Variants in ZNF141 observed in about 807,000 individuals in gnomAD.
The protein encoded by ZNF141 is zinc finger protein 141, also known as zinc finger protein 141 (clone pHZ-44).
A neutral mutation model predicts 11.3 loss-of-function variants in ZNF141; 7 were observed. The ratio of observed to expected loss-of-function variants is 0.62; its 90% CI spans 0.35 to 1.16. The LOEUF is 1.16. Among genes scored for constraint, ZNF141 ranks in the 50% most tolerant of loss-of-function variants. The pLI, the probability that ZNF141 is intolerant of heterozygous loss-of-function variation, is 0.02. For missense variants in ZNF141, 535 were observed against 554.0 expected (o/e 0.97, Z 0.34); for synonymous variants, 183 against 190.7 (o/e 0.96, Z 0.33).
chr4:338,323 C>T, intron 1 of ZNF141: 3 of 318,782 alleles, frequency 9.4e-6, no homozygotes, highest in Non-Finnish European at 1.8e-5. Context: ...GATCCCGTCC[C>T]TGCTTTACCC....
At position 373,006 on chromosome 4, in the gene ZNF141, A is replaced by C. The variant is rs782135618; in HGVS notation, c.569A>C (p.Lys190Thr). 6.2e-7 allele frequency: 1 copy of C among 1,614,134 alleles called. No individual in the cohort carries two copies. The highest frequency in any genetic ancestry group is 2.2e-5 in the East Asian group (1 of 44,864). Residue 190 changes from lysine to threonine, a missense_variant, in exon 4 of 4, where the codon AAG becomes ACG. Lys to Thr is a moderately conservative substitution (Grantham distance 78). Coordinates refer to ENST00000240499, the MANE Select transcript of ZNF141 (RefSeq NM_003441.4). ...AAGTTTTCACACCTAACTCAACATA[A>C]GGTAATTCATGCTGGAGAGAAACCC... ...FQKFSHLTQHKVIHAGEKPYT... is the reference protein window; with the variant it reads ...FQKFSHLTQHTVIHAGEKPYT...
rs531469812 is a variant in ZNF141, at chr4:371,944, C to A, written c.227-720C>A. ...TACATTAACAAAAAGCTATTTGTCACAATCTTTACAATGTAGCTTTTTCCT... is the reference window on the plus strand; with the variant it reads ...TACATTAACAAAAAGCTATTTGTCAAAATCTTTACAATGTAGCTTTTTCCT... On this transcript the variant is annotated intron_variant, in intron 3 of 3. Coordinates refer to ENST00000240499, the MANE Select transcript of ZNF141 (RefSeq NM_003441.4). Among the ~76,000 whole-genome samples the A allele has an allele frequency of 2.6e-5, 4 of 152,332 alleles. No individual in the cohort carries two copies. The East Asian group carries it at 7.7e-4, about 29-fold the overall frequency.
Position 381,167 on chromosome 4 carries a change from G to T in ZNF141, c.*7305G>T, listed in dbSNP as rs1260223358. On this transcript the variant is annotated 3_prime_UTR_variant, in exon 4 of 4. Coordinates refer to ENST00000240499, the MANE Select transcript of ZNF141 (RefSeq NM_003441.4). ...CTGTTATAATACAAATTTATTTCTT[G>T]AGTTAAATATTTGACTCTATTAGTT... 6.6e-6 allele frequency among the ~76,000 whole-genome samples: 1 copy of T among 151,960 alleles called. No homozygotes were observed. Among genetic ancestry groups the T allele is most frequent in the Admixed American group, 6.6e-5 (1 of 15,256 alleles).
At position 381,985 on chromosome 4, in the gene ZNF141, G is replaced by T. The variant is rs1409373840; in HGVS notation, c.*8123G>T. ...TTTTTTGAGACGGAGTCTCACTCTC[G>T]CCCAGGCTGGAGTGCAGTGGCTCGA... On this transcript the variant is annotated 3_prime_UTR_variant, in exon 4 of 4. Transcript: ENST00000240499. 9.0e-6 allele frequency among the ~76,000 whole-genome samples: 1 copy of T among 110,770 alleles called. No individual in the cohort carries two copies. Among genetic ancestry groups the T allele is most frequent in the Non-Finnish European group, 1.8e-5 (1 of 56,660 alleles). The allele number at this position is 110,770 out of a possible 152,430, so 72.7% of individuals were successfully genotyped here.
At position 377,653 on chromosome 4, in the gene ZNF141, A is replaced by G. The variant is rs1332335435; in HGVS notation, c.*3791A>G. On this transcript the variant is annotated 3_prime_UTR_variant, in exon 4 of 4. Transcript: ENST00000240499. The stretch of plus-strand genomic sequence containing the variant: ...GTGCAACATTTAGATCACTTGAGAT[A>G]AGAGTAATTCACTATCAACAGGTAA... 3.3e-5 allele frequency among the ~76,000 whole-genome samples: 5 copies of G among 152,208 alleles called. No homozygotes were observed. Among genetic ancestry groups the G allele is most frequent in the Non-Finnish European group, 7.3e-5 (5 of 68,048 alleles).
In ZNF141 at chr4:378,935, C is replaced by G. The variant is rs967630588; in HGVS notation, c.*5073C>G. On this transcript the variant is annotated 3_prime_UTR_variant, in exon 4 of 4. Coordinates refer to ENST00000240499, the MANE Select transcript of ZNF141 (RefSeq NM_003441.4). ...TCTCAGCTCATTGCAACCTCCACCT[C>G]TCGGGTTCAAGCAATTCTCCTGCCT... Among the ~76,000 whole-genome samples, 1 of 147,322 alleles carries G rather than the reference C, an allele frequency of 6.8e-6. No homozygotes were observed. The highest frequency in any genetic ancestry group is 1.5e-5 in the Non-Finnish European group (1 of 67,356).
At position 382,837 on chromosome 4, in the gene ZNF141, A is replaced by G; in HGVS notation, c.*8975A>G. 3.5e-6 allele frequency: 1 copy of G among 282,072 alleles called. No homozygotes were observed. The highest frequency in any genetic ancestry group is 6.7e-6 in the Non-Finnish European group (1 of 149,508). The allele number at this position is 282,072 out of a possible 1,614,324, so 17.5% of individuals were successfully genotyped here. On this transcript the variant is annotated 3_prime_UTR_variant, in exon 4 of 4. Transcript: ENST00000240499. ...CCAACGTTGATCCTGAGTCCCAGCC[A>G]GCTGCTTAGTAGCTGTGGGATAGTT...
At chr4:372,578 G>A (rs1553853706) in intron 3 of ZNF141, 86 bp from the exon 4 acceptor site, 2 of 1,201,128 alleles carry the variant, frequency 1.7e-6, no homozygotes, top group Non-Finnish European at 1.1e-6. Context: ...TCTTACTAAT[G>A]TATTTTGAAT....
chr4:374,094 C>T lies in ZNF141; in HGVS notation c.*232C>T. On this transcript the variant is annotated 3_prime_UTR_variant, in exon 4 of 4. Coordinates refer to ENST00000240499, the MANE Select transcript of ZNF141 (RefSeq NM_003441.4). The stretch of plus-strand genomic sequence containing the variant: ...TGAATGGTCCACAAACCTGAATGAG[C>T]AGAAGAAAATTATTACTGGAGATAA... 1 of 544,522 alleles carries T rather than the reference C, an allele frequency of 1.8e-6. No homozygotes were observed. Among genetic ancestry groups the T allele is most frequent in the East Asian group, 3.0e-5 (1 of 32,912 alleles). The allele number at this position is 544,522 out of a possible 1,614,324, so 33.7% of individuals were successfully genotyped here. A position where few individuals can be genotyped will look rare whatever the true frequency, so the allele number is the denominator to read the frequency against.
rs1417639066 is a variant in ZNF141 at position 376,506 on chromosome 4, GTAT to G, written c.*2648_*2650del. Among the ~76,000 whole-genome samples the G allele has an allele frequency of 2.0e-5, 3 of 152,108 alleles. No homozygotes were observed. Among genetic ancestry groups the G allele is most frequent in the African/African-American group, 2.4e-5 (1 of 41,528 alleles). On this transcript the variant is annotated 3_prime_UTR_variant, in exon 4 of 4. Transcript: ENST00000240499. The stretch of plus-strand genomic sequence containing the variant: ...TTCTAAATGTACAATTATGATTGTA[GTAT>G]TATATCAGTATAATTATAATTCATA...
chr4:368,729 A>T (rs61793661), intron 3 of ZNF141, among the ~76,000 whole-genome samples: 37,890 of 152,072 alleles, frequency 0.25, 4,740 homozygotes, highest in Middle Eastern at 0.29. Context: ...TTATTGATTT[A>T]GGTGTTCACC....
At chr4:352,372 C>G (rs888375094) in intron 3 of ZNF141, among the ~76,000 whole-genome samples, 1 of 151,448 alleles carries the variant, frequency 6.6e-6, no homozygotes, top group Non-Finnish European at 1.5e-5. Flanking sequence ...GGTGACAGAG[C>G]GAGACTCCGT....
rs782137842 is a variant in ZNF141, at chr4:383,069, C to T, written c.*9207C>T. On this transcript the variant is annotated 3_prime_UTR_variant, in exon 4 of 4. Coordinates refer to ENST00000240499, the MANE Select transcript of ZNF141 (RefSeq NM_003441.4). ...AGTTTGGGGCCCAGGTTTAAAGGTC[C>T]TAAATGCTTCTGTTATCTTTTTCAG... is the stretch of plus-strand genomic sequence containing the variant. 1 of 678,822 alleles carries T rather than the reference C, an allele frequency of 1.5e-6. No individual in the cohort carries two copies. Among genetic ancestry groups the T allele is most frequent in the South Asian group, 1.6e-5 (1 of 62,934 alleles). The allele number at this position is 678,822 out of a possible 1,614,324, so 42.0% of individuals were successfully genotyped here. A position where few individuals can be genotyped will look rare whatever the true frequency, so the allele number is the denominator to read the frequency against.
chr4:337,856 C>T lies in ZNF141; in HGVS notation c.-128C>T, dbSNP rs1646634998. ...CTACCAGACCGCGGGTTAGGGGCTT[C>T]ATCTCTCTGCGTTCTCAGTTGTGGG... On this transcript the variant is annotated 5_prime_UTR_variant, in exon 1 of 4. Coordinates refer to ENST00000240499, the MANE Select transcript of ZNF141 (RefSeq NM_003441.4). The T allele has an allele frequency of 7.7e-7, 1 of 1,302,182 alleles. No homozygotes were observed. The highest frequency in any genetic ancestry group is 1.1e-6 in the Non-Finnish European group (1 of 911,710). 80.7% of individuals were successfully genotyped at this position (1,302,182 alleles called of 1,614,324 possible). A position where few individuals can be genotyped will look rare whatever the true frequency, so the allele number is the denominator to read the frequency against.
chr4:381,717 T>G lies in ZNF141; in HGVS notation c.*7855T>G, dbSNP rs1261423867. 6.6e-6 allele frequency among the ~76,000 whole-genome samples: 1 copy of G among 151,812 alleles called. No homozygotes were observed. The highest frequency in any genetic ancestry group is 6.6e-5 in the Admixed American group (1 of 15,238). On this transcript the variant is annotated 3_prime_UTR_variant, in exon 4 of 4. Transcript: ENST00000240499. ...AGCCACCATGCCCTCAAATATGCTTTCTTAGTACTCCACATTTATGCAGCC... is the reference window on the plus strand; with the variant it reads ...AGCCACCATGCCCTCAAATATGCTTGCTTAGTACTCCACATTTATGCAGCC...
chr4:363,149 A>G (rs1193698097), intron 3 of ZNF141, among the ~76,000 whole-genome samples: 2 of 152,156 alleles, frequency 1.3e-5, no homozygotes, highest in Admixed American at 6.6e-5. Flanking sequence ...AATTGTGAAT[A>G]GGAGTTCACT....
At chr4:339,685 C>A (rs1395072782) in intron 1 of ZNF141, among the ~76,000 whole-genome samples, 3 of 152,176 alleles carry the variant, frequency 2.0e-5, no homozygotes, top group East Asian at 3.8e-4. Flanking sequence ...ATATATAACT[C>A]ATTTTAATCT....
chr4:358,110 G>T, intron 3 of ZNF141: 2 of 338,670 alleles, frequency 5.9e-6, no homozygotes, highest in African/African-American at 2.3e-5. Flanking sequence ...TTCTGTTAAA[G>T]CTTGTTGTTA....
chr4:358,183 CTTTTTTT>C (rs575102486), intron 3 of ZNF141: 5 of 301,894 alleles, frequency 1.7e-5, no homozygotes, highest in East Asian at 1.3e-4. Context: ...GTTTCTCGTT[CTTTTTTT>C]TTTTTTTTTT....
Sources: gnomAD v4.1 joint callset for allele counts (sites outside exome capture counted in the v4.1 genomes callset) on GRCh38, gnomAD v4.1.1 for gene constraint, MANE v1.5 for transcripts, NCBI Gene and HGNC (gene_info 2026-07-23, HGNC 2026-07-21) for gene names.